Variants in MAST2 observed in about 807,000 individuals in gnomAD.
The protein encoded by MAST2 is microtubule associated serine/threonine kinase 2.
Under a neutral mutation model 147.4 loss-of-function variants are expected in MAST2, and 70 were observed. The ratio of observed to expected loss-of-function variants is 0.47; its 90% CI spans 0.39 to 0.58. MAST2 has a LOEUF of 0.58. Ranked by LOEUF, MAST2 falls within the 20% of genes least tolerant of loss-of-function variation. MAST2 has a pLI of 0.00. For synonymous variants in MAST2, 869 were observed against 896.8 expected, an observed-to-expected ratio of 0.97 and a Z score of 0.55; for missense variants, 2,080 against 2,302.3, an observed-to-expected ratio of 0.90 and a Z score of 1.98.
rs1291432726 is a variant in MAST2 at position 46,022,037 on chromosome 1, C to T, written c.1378C>T (p.Arg460Cys). The change falls in exon 12 of 29, where the codon CGC becomes TGC. Residue 460 changes from arginine to cysteine, a missense_variant. Coordinates refer to ENST00000361297, the MANE Select transcript of MAST2 (RefSeq NM_015112.3). ...ACAAGGGATTAAATGTGACATTCCC[C>T]GCTACATCGTTAGCCAGCTGGGCCT... ...EGQGIKCDIPRYIVSQLGLTR... is the reference protein window; with the variant it reads ...EGQGIKCDIPCYIVSQLGLTR... 2.8e-5 allele frequency: 45 copies of T among 1,614,064 alleles called. No individual in the cohort carries two copies. Among genetic ancestry groups the T allele is most frequent in the Non-Finnish European group, 3.4e-5 (40 of 1,180,038 alleles).
intron 2 of MAST2, 134 bp downstream of exon 2, chr1:45,824,714 G>GT (rs1324344973): frequency 1.2e-6 from 1 of 866,730 alleles, no homozygotes; most frequent in African/African-American, 1.7e-5. Context: ...TGGTAAGGCT[G>GT]TCTTCCTCTC....
intron 2 of MAST2, among the ~76,000 whole-genome samples, chr1:45,828,470 A>G (rs1003024732): frequency 2.6e-5 from 4 of 152,232 alleles, no homozygotes; most frequent in African/African-American, 9.6e-5. Context: ...TCTTTTTCAT[A>G]TGCCAAAATG....
rs79327865 is a variant in MAST2, at chr1:45,914,618, G to A, written c.500+32223G>A. On this transcript the variant is annotated intron_variant, in intron 4 of 28. Coordinates refer to ENST00000361297, the MANE Select transcript of MAST2 (RefSeq NM_015112.3). The stretch of plus-strand genomic sequence containing the variant: ...AGTGTACTTCAGATTTTCTTCCTGA[G>A]TCAAACTGCTTGCCCTGAGACAGAC... Among the ~76,000 whole-genome samples the A allele has an allele frequency of 3.0e-3, 450 of 152,280 alleles. 3 individuals carry two copies. The highest frequency in any genetic ancestry group is 0.021 in the East Asian group (108 of 5,186).
At chr1:45,849,479 G>A (rs1363828275) in intron 3 of MAST2, among the ~76,000 whole-genome samples, 1 of 151,632 alleles carries the variant, frequency 6.6e-6, no homozygotes, top group Non-Finnish European at 1.5e-5. Flanking sequence ...TAATGATACT[G>A]GGATAACTGG....
At chr1:45,945,873 A>G (rs888309490) in intron 4 of MAST2, among the ~76,000 whole-genome samples, 1 of 152,196 alleles carries the variant, frequency 6.6e-6, no homozygotes, top group Non-Finnish European at 1.5e-5. Flanking sequence ...ACAACTTCCC[A>G]GACACTATGT....
At chr1:45,874,349 G>A (rs371351766) in intron 3 of MAST2, among the ~76,000 whole-genome samples, 3 of 152,148 alleles carry the variant, frequency 2.0e-5, no homozygotes, top group Non-Finnish European at 2.9e-5. Flanking sequence ...AGGAGATAAT[G>A]TTCCTTTTAA....
chr1:45,820,893 CTTTTTTTT>C (rs769508054), intron 1 of MAST2, among the ~76,000 whole-genome samples: 2 of 43,078 alleles, frequency 4.6e-5, no homozygotes, highest in African/African-American at 2.0e-4. Flanking sequence ...CTTTCTTTCT[CTTTTTTTT>C]TTTTTTTTTT....
chr1:46,032,490 G>A, intron 25 of MAST2, 86 bp downstream of exon 25: 2 of 1,595,140 alleles, frequency 1.3e-6, no homozygotes, highest in Non-Finnish European at 1.7e-6. Flanking sequence ...TCCCTGCTCG[G>A]GGGTCAAAGG....
intron 4 of MAST2, among the ~76,000 whole-genome samples, chr1:45,915,407 C>CA (rs1652324823): frequency 1.3e-5 from 2 of 152,188 alleles, no homozygotes; most frequent in South Asian, 4.1e-4. Context: ...TAATTAGGGG[C>CA]AAAAAGAAAA....
chr1:45,915,485 C>T lies in MAST2; in HGVS notation c.500+33090C>T, dbSNP rs1183543094. ...CAGCACTTTGGGAGGCCGAGGCGGGCGGATCACGAGGTCAGGAGATCGAGA... is the reference window on the plus strand; with the variant it reads ...CAGCACTTTGGGAGGCCGAGGCGGGTGGATCACGAGGTCAGGAGATCGAGA... On this transcript the variant is annotated intron_variant, in intron 4 of 28. Transcript: ENST00000361297. Among the ~76,000 whole-genome samples, 10 of 152,142 alleles carry T rather than the reference C, an allele frequency of 6.6e-5. No homozygotes were observed. The South Asian group carries it at 1.0e-3, about 16-fold the overall frequency.
chr1:45,852,024 T>A (rs1645637735), intron 3 of MAST2, among the ~76,000 whole-genome samples: 2 of 152,184 alleles, frequency 1.3e-5, no homozygotes, highest in African/African-American at 4.8e-5. Flanking sequence ...TGCAGAGTAC[T>A]ATGAACCCTT....
chr1:45,947,317 A>AAAC (rs1462547215), intron 4 of MAST2, among the ~76,000 whole-genome samples: 4 of 142,342 alleles, frequency 2.8e-5, no homozygotes, highest in Admixed American at 7.2e-5. Flanking sequence ...AAAAAAAAAA[A>AAAC]AAAAAAAAAA....
At chr1:45,928,863 C>T (rs1654829626) in intron 4 of MAST2, among the ~76,000 whole-genome samples, 1 of 151,192 alleles carries the variant, frequency 6.6e-6, no homozygotes, top group South Asian at 2.1e-4. Flanking sequence ...TTATTTGTTG[C>T]AGAAACCGAG....
intron 2 of MAST2, 98 bp from the exon 3 acceptor site, chr1:45,829,341 A>G (rs762436900): frequency 3.0e-6 from 3 of 1,014,834 alleles, no homozygotes; most frequent in Non-Finnish European, 4.1e-6. Context: ...ACTTTGTATC[A>G]GTATGGTTTT....
intron 3 of MAST2, among the ~76,000 whole-genome samples, chr1:45,861,381 C>T (rs1156374619): frequency 3.3e-5 from 5 of 151,764 alleles, no homozygotes; most frequent in South Asian, 2.1e-4. Context: ...TTTTGTTCAG[C>T]GTATTTTCTT....
At chr1:45,873,094 G>A (rs1043042981) in intron 3 of MAST2, among the ~76,000 whole-genome samples, 4 of 152,044 alleles carry the variant, frequency 2.6e-5, no homozygotes, top group African/African-American at 7.2e-5. Context: ...GAGTATTGGG[G>A]GTGGGGTTAG....
At chr1:45,825,010 A>G (rs1406337118) in intron 2 of MAST2, among the ~76,000 whole-genome samples, 2 of 152,208 alleles carry the variant, frequency 1.3e-5, no homozygotes, top group Admixed American at 6.5e-5. Flanking sequence ...TACATTGTAC[A>G]TTGTGGCATA....
intron 3 of MAST2, among the ~76,000 whole-genome samples, chr1:45,833,670 A>G (rs1446163568): frequency 2.0e-5 from 3 of 152,126 alleles, no homozygotes; most frequent in Non-Finnish European, 4.4e-5. Context: ...GCATTTCTCT[A>G]GTGACTCATG....
intron 5 of MAST2, among the ~76,000 whole-genome samples, chr1:45,994,796 G>T (rs1417671939): frequency 1.3e-5 from 2 of 151,720 alleles, no homozygotes; most frequent in Non-Finnish European, 2.9e-5. Context: ...CAACAGCTGG[G>T]TCTAGAATTC....
Sources: allele counts gnomAD v4.1 joint callset (sites outside exome capture counted in the v4.1 genomes callset), GRCh38; gene constraint gnomAD v4.1.1; transcripts MANE v1.5; gene names NCBI Gene and HGNC (gene_info 2026-07-23, HGNC 2026-07-21).